CSMD1: variants seen among roughly 807,000 people sequenced by gnomAD.
The protein encoded by CSMD1 is CUB and sushi domain-containing protein 1.
A neutral mutation model predicts 417.5 loss-of-function variants in CSMD1; 213 were observed. That is an observed-to-expected ratio of 0.51 (90% confidence interval 0.46 to 0.57). The LOEUF (loss-of-function observed/expected upper bound fraction) is 0.57, where lower values mean the gene tolerates loss of function less well. Among genes scored for constraint, CSMD1 ranks in the 20% least tolerant of loss-of-function variants. The pLI, the probability that CSMD1 is intolerant of heterozygous loss-of-function variation, is 0.00. For missense variants in CSMD1, 6,923 were observed against 4,529.7 expected (o/e 1.53, Z -15.17); for synonymous variants, 2,862 against 1,736.8 (o/e 1.65, Z -16.11).
intron 6 of CSMD1, among the ~76,000 whole-genome samples, chr8:3,732,346 T>G (rs1038137555): frequency 5.9e-5 from 9 of 152,078 alleles, no homozygotes; most frequent in Admixed American, 4.6e-4. Flanking sequence ...GATCACAGCC[T>G]CACCATAGTA....
intron 5 of CSMD1, among the ~76,000 whole-genome samples, chr8:3,827,421 T>C (rs990589157): frequency 5.9e-5 from 9 of 152,170 alleles, no homozygotes; most frequent in Non-Finnish European, 1.3e-4. Flanking sequence ...GTTGGAAAAA[T>C]AAACACATCT....
At chr8:3,876,341 T>C (rs543050544) in intron 5 of CSMD1, among the ~76,000 whole-genome samples, 4 of 152,296 alleles carry the variant, frequency 2.6e-5, no homozygotes, top group South Asian at 2.1e-4. Flanking sequence ...AGGATGACTG[T>C]TGTGTTAGTT....
rs376131897 is a variant in CSMD1, at chr8:3,469,106, A to T, written c.1449-282T>A. On this transcript the variant is annotated intron_variant, in intron 11 of 69. Transcript: ENST00000635120. The stretch of plus-strand genomic sequence containing the variant: ...CAACCATCCCATTTTCCTGGAACCG[A>T]GAGGCTTCCCCAGGTGCAGGAATTA... 1.4e-3 allele frequency: 402 copies of T among 279,320 alleles called. 7 individuals are homozygous for T. In the South Asian group the frequency reaches 0.016, roughly 11 times the overall value. 17.3% of individuals were successfully genotyped at this position (279,320 alleles called of 1,614,324 possible).
intron 2 of CSMD1, among the ~76,000 whole-genome samples, chr8:4,489,067 C>G (rs568853460): frequency 6.6e-6 from 1 of 152,134 alleles, no homozygotes; most frequent in Non-Finnish European, 1.5e-5. Context: ...CGTGCCACCA[C>G]ACACAGCTAA....
intron 1 of CSMD1, among the ~76,000 whole-genome samples, chr8:4,687,814 C>A (rs1806487859): frequency 7.3e-6 from 1 of 136,258 alleles, no homozygotes; most frequent in Non-Finnish European, 1.5e-5. Context: ...CAGACAGATA[C>A]ACACAAACAC....
intron 33 of CSMD1, among the ~76,000 whole-genome samples, chr8:3,192,569 G>A (rs1165293737): frequency 2.6e-5 from 4 of 152,178 alleles, no homozygotes; most frequent in South Asian, 2.1e-4. Context: ...CGAGCCAGAT[G>A]GATTTATGTA....
chr8:3,682,207 A>C (rs555919497), intron 7 of CSMD1, among the ~76,000 whole-genome samples: 15 of 152,212 alleles, frequency 9.9e-5, no homozygotes, highest in Non-Finnish European at 2.1e-4. Flanking sequence ...TAATTAAACT[A>C]AAGAGCTTCT....
At chr8:3,636,751 G>C (rs1157073690) in intron 7 of CSMD1, among the ~76,000 whole-genome samples, 2 of 152,162 alleles carry the variant, frequency 1.3e-5, no homozygotes, top group Non-Finnish European at 2.9e-5. Context: ...GGATGGCAGG[G>C]AGTAAGGCAG....
intron 2 of CSMD1, among the ~76,000 whole-genome samples, chr8:4,530,265 C>T (rs969162221): frequency 7.0e-6 from 1 of 141,966 alleles, no homozygotes; most frequent in African/African-American, 2.6e-5. Context: ...TCTTCATCAT[C>T]CGGATTTAAA....
chr8:4,453,898 T>C (rs1013058374), intron 2 of CSMD1, among the ~76,000 whole-genome samples: 2 of 133,118 alleles, frequency 1.5e-5, no homozygotes, highest in African/African-American at 5.6e-5. Flanking sequence ...CTCGGCTCAC[T>C]GCCAGCTCCG....
intron 23 of CSMD1, among the ~76,000 whole-genome samples, chr8:3,312,946 T>C (rs1441766559): frequency 6.6e-6 from 1 of 152,234 alleles, no homozygotes; most frequent in Non-Finnish European, 1.5e-5. Flanking sequence ...TTACTTGCTG[T>C]GTGTTTAAAG....
At chr8:4,094,128 G>A (rs915952314) in intron 3 of CSMD1, among the ~76,000 whole-genome samples, 39 of 152,196 alleles carry the variant, frequency 2.6e-4, no homozygotes, top group Non-Finnish European at 4.1e-4. Context: ...TGGTGCCTCC[G>A]TGTGTGGGGG....
intron 10 of CSMD1, among the ~76,000 whole-genome samples, chr8:3,506,092 A>T (rs1466927259): frequency 6.6e-6 from 1 of 152,182 alleles, no homozygotes; most frequent in Non-Finnish European, 1.5e-5. Flanking sequence ...CTGTGTTCTC[A>T]TAAGGAGGTG....
intron 1 of CSMD1, among the ~76,000 whole-genome samples, chr8:4,760,152 G>A (rs768506948): frequency 8.5e-5 from 13 of 152,176 alleles, no homozygotes; most frequent in Admixed American, 2.6e-4. Flanking sequence ...CAGGATGTCT[G>A]CAATAGTCAT....
At chr8:4,907,891 G>A (rs73185795) in intron 1 of CSMD1, among the ~76,000 whole-genome samples, 23,978 of 151,934 alleles carry the variant, frequency 0.16, 2,044 homozygotes, top group East Asian at 0.28. Flanking sequence ...ATATCCTGCA[G>A]CCATAACAAA....
Position 3,567,493 on chromosome 8 carries a change from G to C in CSMD1, c.1344+7452C>G, listed in dbSNP as rs376196515. On this transcript the variant is annotated intron_variant, in intron 10 of 69. Coordinates refer to ENST00000635120, the MANE Select transcript of CSMD1 (RefSeq NM_033225.6). ...AGTAAATAAAAAACAACAAAAGGAA[G>C]AAAGGAAGGAAGGGAGGGGAGGGGG... Among the ~76,000 whole-genome samples, 7 of 127,514 alleles carry C rather than the reference G, an allele frequency of 5.5e-5. No homozygotes were observed. In the South Asian group the frequency reaches 2.0e-3, roughly 36 times the overall value. The allele number at this position is 127,514 out of a possible 152,430, so 83.7% of individuals were successfully genotyped here.
intron 1 of CSMD1, among the ~76,000 whole-genome samples, chr8:4,729,395 AG>A (rs1809701067): frequency 1.3e-5 from 2 of 152,196 alleles, no homozygotes; most frequent in African/African-American, 4.8e-5. Context: ...AAATGAAAAA[AG>A]GGGAAAAATA....
chr8:3,026,660 G>T (rs1809955418), intron 51 of CSMD1, among the ~76,000 whole-genome samples: 1 of 152,230 alleles, frequency 6.6e-6, no homozygotes, highest in African/African-American at 2.4e-5. Context: ...TCTGCCCTGT[G>T]AGACCGTGAG....
intron 5 of CSMD1, among the ~76,000 whole-genome samples, chr8:3,817,478 A>T (rs903251849): frequency 6.6e-6 from 1 of 150,674 alleles, no homozygotes; most frequent in African/African-American, 2.4e-5. Flanking sequence ...ACGGGGTTTC[A>T]CCTCGTTAGC....
Sources: gnomAD v4.1 joint callset for allele counts (sites outside exome capture counted in the v4.1 genomes callset) on GRCh38, gnomAD v4.1.1 for gene constraint, MANE v1.5 for transcripts, NCBI Gene and HGNC (gene_info 2026-07-23, HGNC 2026-07-21) for gene names.